USP4: variants seen among roughly 807,000 people sequenced by gnomAD.
The protein encoded by USP4 is ubiquitin specific peptidase 4.
Under a neutral mutation model 118.2 loss-of-function variants are expected in USP4, and 72 were observed. The ratio of observed to expected loss-of-function variants is 0.61; its 90% confidence interval spans 0.50 to 0.74. The LOEUF (loss-of-function observed/expected upper bound fraction) is 0.74, where lower values mean the gene tolerates loss of function less well. USP4 is among the 30% of genes least tolerant of loss of function. USP4 has a pLI of 0.00. For synonymous variants in USP4, 415 were observed against 440.4 expected (o/e 0.94, Z 0.72); for missense variants, 1,037 against 1,185.7 (o/e 0.87, Z 1.84).
At chr3:49,321,013 T>C (rs1327541118) in intron 6 of USP4, among the ~76,000 whole-genome samples, 1 of 152,166 alleles carries the variant, frequency 6.6e-6, no homozygotes, top group Non-Finnish European at 1.5e-5. Flanking sequence ...CAAAGGAGGT[T>C]TGATGTATGA....
intron 9 of USP4, 30 bp from the exon 10 acceptor site, chr3:49,302,572 A>T (rs570276638): frequency 4.6e-5 from 73 of 1,603,756 alleles, no homozygotes; most frequent in Non-Finnish European, 6.1e-5. Context: ...ATCAGAAGGC[A>T]TAATACGTAA....
chr3:49,305,190 A>C (rs1306973822), intron 9 of USP4, among the ~76,000 whole-genome samples: 1 of 148,554 alleles, frequency 6.7e-6, no homozygotes. Flanking sequence ...CTCCTTCCCC[A>C]GCCTCCCGAG....
At position 49,335,668 on chromosome 3, in the gene USP4, T is replaced by C. The variant is rs534565001; in HGVS notation, c.102-72A>G. The C allele has an allele frequency of 2.1e-5, 33 of 1,562,586 alleles. No individual in the cohort carries two copies. The African/African-American group carries it at 4.2e-4, about 20-fold the overall frequency. On this transcript the variant is annotated intron_variant, in intron 1 of 21. Transcript: ENST00000265560. ...AATTTCTGCAGCTGCTTCCTTAATC[T>C]TTTTTATGGTCCTTCCACTTGGGGC...
At chr3:49,301,968 T>C (rs937897039) in intron 10 of USP4, among the ~76,000 whole-genome samples, 1 of 152,046 alleles carries the variant, frequency 6.6e-6, no homozygotes, top group Non-Finnish European at 1.5e-5. Context: ...TATAGGTACT[T>C]TACAGTTTTC....
chr3:49,281,119 G>C (rs1221008883), intron 19 of USP4, among the ~76,000 whole-genome samples: 2 of 152,108 alleles, frequency 1.3e-5, no homozygotes, highest in African/African-American at 4.8e-5. Context: ...TCAGGAGTTC[G>C]AGACGAGCCC....
chr3:49,277,148 C>A lies in USP4; in HGVS notation c.*1145G>T, dbSNP rs577282220. 208 of 1,440,094 alleles carry A rather than the reference C, an allele frequency of 1.4e-4. No individual in the cohort carries two copies. The highest frequency in any genetic ancestry group is 1.7e-4 in the Non-Finnish European group (186 of 1,085,362). 89.2% of individuals were successfully genotyped at this position (1,440,094 alleles called of 1,614,324 possible). Reference sequence around the variant, plus strand: ...CAGGCCGCTGGCCCTACCGGCACCCCCCCTTTGGCGAGTCGGCAGCCACGT... The same window carrying A: ...CAGGCCGCTGGCCCTACCGGCACCCACCCTTTGGCGAGTCGGCAGCCACGT... On this transcript the variant is annotated 3_prime_UTR_variant, in exon 22 of 22. Coordinates refer to ENST00000265560, the MANE Select transcript of USP4 (RefSeq NM_003363.4).
chr3:49,320,580 A>G (rs1349954453), intron 6 of USP4, among the ~76,000 whole-genome samples: 1 of 152,192 alleles, frequency 6.6e-6, no homozygotes, highest in African/African-American at 2.4e-5. Context: ...CTGAGTAGCT[A>G]GGACTATAGG....
intron 3 of USP4, 121 bp downstream of exon 3, chr3:49,327,565 G>T: frequency 9.6e-7 from 1 of 1,045,302 alleles, no homozygotes; most frequent in Non-Finnish European, 1.4e-6. Context: ...CAGAAACAAG[G>T]CCTCAAGCAC....
At chr3:49,281,975 C>T (rs2107763907) in intron 19 of USP4, among the ~76,000 whole-genome samples, 1 of 151,950 alleles carries the variant, frequency 6.6e-6, no homozygotes, top group African/African-American at 2.4e-5. Context: ...CGCACCACTG[C>T]ACTCTGGCCT....
rs1435420436 is a variant in USP4, at chr3:49,294,454, G to T, written c.1836C>A (p.His612Gln). 4.3e-6 allele frequency: 7 copies of T among 1,614,068 alleles called. No homozygotes were observed. In the African/African-American group the frequency reaches 8.0e-5, roughly 18 times the overall value. The change falls in exon 14 of 22, where the codon CAC (histidine) becomes CAA (glutamine). Residue 612 changes from histidine to glutamine, a missense_variant. By Grantham distance (24) the His-to-Gln change is conservative. Transcript: ENST00000265560. Reference protein sequence around the residue: ...GQPLLLSVPKHKLTLESLYQA... With the variant: ...GQPLLLSVPKQKLTLESLYQA... Reference sequence around the variant, plus strand: ...GGTACAAAGACTCAAGGGTTAACTTGTGCTTGGGGACAGAAAGCAATAGTG... The same window carrying T: ...GGTACAAAGACTCAAGGGTTAACTTTTGCTTGGGGACAGAAAGCAATAGTG...
intron 11 of USP4, 57 bp from the exon 12 acceptor site, chr3:49,298,692 A>C: frequency 6.7e-7 from 1 of 1,488,908 alleles, no homozygotes; most frequent in Admixed American, 1.7e-5. Context: ...TGCGAAATGC[A>C]TTAGGAGAAG....
chr3:49,310,518 A>T, intron 8 of USP4, 102 bp downstream of exon 8: 1 of 945,252 alleles, frequency 1.1e-6, no homozygotes, highest in Non-Finnish European at 1.7e-6. Flanking sequence ...AACAAGGGGT[A>T]GGCAGGGACT....
intron 6 of USP4, 29 bp downstream of exon 6, chr3:49,324,673 C>G (rs767521670): frequency 6.2e-7 from 1 of 1,607,440 alleles, no homozygotes. Flanking sequence ...ACATGTGAGC[C>G]TACAACAAGG....
At chr3:49,278,991 T>G in intron 20 of USP4, 89 bp from the exon 21 acceptor site, 1 of 816,394 alleles carries the variant, frequency 1.2e-6, no homozygotes, top group Non-Finnish European at 1.9e-6. Flanking sequence ...AACACAAAAA[T>G]CCCCAAAACA....
At chr3:49,295,091 C>T (rs1004648345) in intron 13 of USP4, among the ~76,000 whole-genome samples, 3 of 151,996 alleles carry the variant, frequency 2.0e-5, no homozygotes, top group Admixed American at 1.3e-4. Context: ...AGATTGAGAC[C>T]ATCCTGGCTA....
intron 6 of USP4, among the ~76,000 whole-genome samples, chr3:49,315,422 A>C (rs1283766632): frequency 3.9e-5 from 6 of 152,180 alleles, no homozygotes; most frequent in Non-Finnish European, 7.3e-5. Context: ...TAATCTGGGA[A>C]ATGCTGAGCA....
intron 10 of USP4, among the ~76,000 whole-genome samples, chr3:49,301,022 T>C (rs373101751): frequency 1.5e-4 from 23 of 152,122 alleles, no homozygotes; most frequent in East Asian, 1.2e-3. Context: ...CACTACAGCC[T>C]CAACCTCCCG....
rs578116229 is a variant in USP4 at position 49,299,628 on chromosome 3, G to A, written c.1512+839C>T. ...AGGATGGTCTGGATCTCCTGACCTC[G>A]TGATCTGCCCGCCTCGGCCTCCCAA... On this transcript the variant is annotated intron_variant, in intron 11 of 21. Transcript: ENST00000265560. 1.9e-4 allele frequency among the ~76,000 whole-genome samples: 29 copies of A among 151,924 alleles called. No homozygotes were observed. The East Asian group carries it at 5.5e-3, about 29-fold the overall frequency.
At chr3:49,306,764 C>A (rs1364871996) in intron 8 of USP4, among the ~76,000 whole-genome samples, 32 of 152,008 alleles carry the variant, frequency 2.1e-4, no homozygotes. Context: ...TTCCACCTCA[C>A]CACAAGAGGA....
Sources: gnomAD v4.1 joint callset for allele counts (sites outside exome capture counted in the v4.1 genomes callset) on GRCh38, gnomAD v4.1.1 for gene constraint, MANE v1.5 for transcripts, NCBI Gene and HGNC (gene_info 2026-07-23, HGNC 2026-07-21) for gene names.